The following LSG1 variants were observed in gnomAD, a reference collection of about 807,000 sequenced individuals.
LSG1 encodes the protein large 60S subunit nuclear export GTPase 1.
A neutral mutation model predicts 82.6 loss-of-function variants in LSG1; 55 were observed. The observed-to-expected ratio is 0.67, with a 90% CI of 0.54 to 0.83. The LOEUF is 0.83. Ranked by LOEUF, LSG1 falls within the 40% of genes least tolerant of loss-of-function variation. The probability of loss-of-function intolerance (pLI) is 0.00; values close to 1 mark genes in which losing one functional copy is unlikely to be tolerated. For synonymous variants in LSG1, 272 were observed against 282.5 expected, an observed-to-expected ratio of 0.96 and a Z score of 0.37; for missense variants, 809 against 807.9, an observed-to-expected ratio of 1.00 and a Z score of -0.02.
chr3:194,654,896 C>A (rs1306332621), intron 7 of LSG1, among the ~76,000 whole-genome samples: 1 of 152,166 alleles, frequency 6.6e-6, no homozygotes, highest in Non-Finnish European at 1.5e-5. Flanking sequence ...TGAAAAATGT[C>A]ACATTTTTTC....
intron 11 of LSG1, among the ~76,000 whole-genome samples, chr3:194,647,083 G>A (rs909607575): frequency 2.6e-5 from 4 of 151,226 alleles, no homozygotes; most frequent in Admixed American, 6.6e-5. Flanking sequence ...TTCCAGTTTC[G>A]AAGAAAATAG....
At chr3:194,660,339 T>C (rs933624479) in intron 5 of LSG1, among the ~76,000 whole-genome samples, 11 of 152,186 alleles carry the variant, frequency 7.2e-5, no homozygotes, top group Non-Finnish European at 1.3e-4. Flanking sequence ...CACCAGCTAG[T>C]AAGTAACACA....
At chr3:194,667,746 A>AC (rs1189331282) in intron 2 of LSG1, among the ~76,000 whole-genome samples, 5 of 150,346 alleles carry the variant, frequency 3.3e-5, no homozygotes, top group African/African-American at 9.8e-5. Context: ...ACAAGGTGAA[A>AC]CCCCCGTCTC....
intron 7 of LSG1, among the ~76,000 whole-genome samples, chr3:194,658,469 C>T (rs1418084576): frequency 6.6e-6 from 1 of 152,042 alleles, no homozygotes; most frequent in Non-Finnish European, 1.5e-5. Flanking sequence ...TTATTTTATT[C>T]AAAAGTAAAA....
chr3:194,665,455 G>T, intron 5 of LSG1, 102 bp downstream of exon 5: 1 of 726,262 alleles, frequency 1.4e-6, no homozygotes, highest in Non-Finnish European at 2.3e-6. Flanking sequence ...CCTCTGCATA[G>T]CTTAATTCCC....
intron 5 of LSG1, among the ~76,000 whole-genome samples, chr3:194,661,874 C>T (rs912199384): frequency 2.0e-5 from 3 of 152,142 alleles, no homozygotes; most frequent in African/African-American, 7.2e-5. Flanking sequence ...GTAATCCAAG[C>T]TGAAGCTAGA....
chr3:194,665,614 G>A lies in LSG1; in HGVS notation c.464C>T (p.Thr155Ile). 1.2e-6 allele frequency: 2 copies of A among 1,613,006 alleles called. No individual in the cohort carries two copies. The highest frequency in any genetic ancestry group is 1.7e-6 in the Non-Finnish European group (2 of 1,179,440). Residue 155 changes from threonine to isoleucine, a missense_variant, in exon 5 of 14, where the codon ACT becomes ATT. Thr to Ile is a moderately conservative substitution (Grantham distance 89, BLOSUM62 -1). Transcript: ENST00000265245. Reference protein sequence around the residue: ...RLEEEQKLILTPFERNLDFWR... With the variant: ...RLEEEQKLILIPFERNLDFWR... Reference sequence around the variant, plus strand: ...AAAGTCCAAATTTCGTTCAAATGGAGTCAATATCAGCTTCTGTTCCTCTTC... The same window carrying A: ...AAAGTCCAAATTTCGTTCAAATGGAATCAATATCAGCTTCTGTTCCTCTTC...
At chr3:194,669,934 AC>A (rs1719109747) in intron 2 of LSG1, 74 bp downstream of exon 2, 3 of 1,544,044 alleles carry the variant, frequency 1.9e-6, no homozygotes, top group East Asian at 2.3e-5. Flanking sequence ...CCATCTCAAA[AC>A]AAAAAACAAA....
At position 194,652,984 on chromosome 3, in the gene LSG1, C is replaced by T. The variant is rs776871983; in HGVS notation, c.918G>A (p.Glu306=). ...CCTCCTCCTCTGGACAGTCCTCATA[C>T]TCACTGTCATCTTCATCCGTTGTGG... ...ENPTTDEDDS[E]YEDCPEEEED... The change falls in exon 8 of 14, where the codon GAG becomes GAA. Residue 306 remains glutamate, a synonymous_variant. Coordinates refer to ENST00000265245, the MANE Select transcript of LSG1 (RefSeq NM_018385.3). The T allele has an allele frequency of 1.2e-6, 2 of 1,614,056 alleles. No individual in the cohort carries two copies. Among genetic ancestry groups the T allele is most frequent in the Non-Finnish European group, 1.7e-6 (2 of 1,180,044 alleles).
At chr3:194,671,534 A>C (rs1560231271) in intron 1 of LSG1, among the ~76,000 whole-genome samples, 1 of 152,144 alleles carries the variant, frequency 6.6e-6, no homozygotes, top group African/African-American at 2.4e-5. Flanking sequence ...CACTTCATTC[A>C]TTTTTTTAAA....
chr3:194,666,983 G>A (rs1031311503), intron 2 of LSG1, among the ~76,000 whole-genome samples: 17 of 152,160 alleles, frequency 1.1e-4, no homozygotes, highest in African/African-American at 3.6e-4. Flanking sequence ...GAGTTCTCCG[G>A]GCAATTCTGC....
In LSG1 at chr3:194,652,770, T is replaced by C. The variant is rs1173859354; in HGVS notation, c.1132A>G (p.Thr378Ala). ...ELLELFKELH[T>A]GRKVKDGQLT... Reference sequence around the variant, plus strand: ...TGCCCATCTTTCACCTTTCTCCCAGTGTGTAGCTCCTTAAAGAGCTCCAGT... The same window carrying C: ...TGCCCATCTTTCACCTTTCTCCCAGCGTGTAGCTCCTTAAAGAGCTCCAGT... The change falls in exon 8 of 14, where the codon ACT (threonine) becomes GCT (alanine). Residue 378 changes from threonine (T) to alanine (A), a missense_variant. Coordinates refer to ENST00000265245, the MANE Select transcript of LSG1 (RefSeq NM_018385.3). 11 of 1,613,962 alleles carry C rather than the reference T, an allele frequency of 6.8e-6. No homozygotes were observed. Among genetic ancestry groups the C allele is most frequent in the Non-Finnish European group, 8.5e-6 (10 of 1,179,972 alleles).
chr3:194,651,449 GT>G (rs1316477831), intron 8 of LSG1: 1 of 519,158 alleles, frequency 1.9e-6, no homozygotes, highest in Non-Finnish European at 3.4e-6. Flanking sequence ...AATATTATAT[GT>G]TTTGCTGTTA....
At chr3:194,660,949 T>C (rs1056291128) in intron 5 of LSG1, 5 of 455,638 alleles carry the variant, frequency 1.1e-5, no homozygotes, top group Admixed American at 2.4e-5. Context: ...GCCTCTGTGC[T>C]AGATGTTATA....
At position 194,641,480 on chromosome 3, in the gene LSG1, A is replaced by G. The variant is rs1363831537; in HGVS notation, c.*588T>C. On this transcript the variant is annotated 3_prime_UTR_variant, in exon 14 of 14. Coordinates refer to ENST00000265245, the MANE Select transcript of LSG1 (RefSeq NM_018385.3). ...GGTGGTTACATTCTACATGTTCCTTAGTGGACGTGAGCCCCCGCTGTACAC... is the reference window on the plus strand; with the variant it reads ...GGTGGTTACATTCTACATGTTCCTTGGTGGACGTGAGCCCCCGCTGTACAC... The G allele has an allele frequency of 6.6e-6, 1 of 152,210 alleles. No homozygotes were observed. Among genetic ancestry groups the G allele is most frequent in the African/African-American group, 2.4e-5 (1 of 41,436 alleles). 9.4% of individuals were successfully genotyped at this position (152,210 alleles called of 1,614,324 possible).
chr3:194,654,284 T>A (rs1037928), intron 7 of LSG1, among the ~76,000 whole-genome samples: 93,277 of 152,080 alleles, frequency 0.61, 30,246 homozygotes, highest in East Asian at 0.87. Flanking sequence ...CAAATCATTT[T>A]CTACTCAAGG....
rs571409122 is a variant in LSG1, at chr3:194,640,902, G to A, written c.*1166C>T. On this transcript the variant is annotated 3_prime_UTR_variant, in exon 14 of 14. Transcript: ENST00000265245. ...GAAACTTACAATCATGTTAGAAGGCGAAGGAGAAGCAGGCACATCTTATAT... is the reference window on the plus strand; with the variant it reads ...GAAACTTACAATCATGTTAGAAGGCAAAGGAGAAGCAGGCACATCTTATAT... 4 of 152,868 alleles carry A rather than the reference G, an allele frequency of 2.6e-5. No individual in the cohort carries two copies. Among genetic ancestry groups the A allele is most frequent in the South Asian group, 2.0e-4 (1 of 4,908 alleles). The allele number at this position is 152,868 out of a possible 1,614,324, so 9.5% of individuals were successfully genotyped here. A position where few individuals can be genotyped will look rare whatever the true frequency, so the allele number is the denominator to read the frequency against.
In LSG1 at chr3:194,653,357, A is replaced by C. The variant is rs9836537; in HGVS notation, c.760-215T>G. Reference sequence around the variant, plus strand: ...TGGTGAAACCCCGCCTCTACTAAAAATACAAAAATTAGCCAGGCGTGGTGG... The same window carrying C: ...TGGTGAAACCCCGCCTCTACTAAAACTACAAAAATTAGCCAGGCGTGGTGG... On this transcript the variant is annotated intron_variant, in intron 7 of 13. Transcript: ENST00000265245. Among the ~76,000 whole-genome samples the C allele has an allele frequency of 0.45, 68,802 of 151,662 alleles. 16,310 individuals are homozygous for C. Among genetic ancestry groups the C allele is most frequent in the Non-Finnish European group, 0.53 (35,842 of 67,858 alleles).
intron 1 of LSG1, among the ~76,000 whole-genome samples, chr3:194,671,388 TG>T (rs1719136752): frequency 6.6e-6 from 1 of 152,206 alleles, no homozygotes; most frequent in Admixed American, 6.5e-5. Flanking sequence ...GGTGTGACAG[TG>T]GCACACGCTT....
Sources: gnomAD v4.1 joint callset for allele counts (sites outside exome capture counted in the v4.1 genomes callset) on GRCh38, gnomAD v4.1.1 for gene constraint, MANE v1.5 for transcripts, NCBI Gene and HGNC (gene_info 2026-07-23, HGNC 2026-07-21) for gene names.